Variants in HORMAD2 observed in about 807,000 individuals in gnomAD.
The protein encoded by HORMAD2 is HORMA domain containing 2, also known as HORMA domain-containing protein 2.
A neutral mutation model predicts 38.8 loss-of-function variants in HORMAD2; 45 were observed. The ratio of observed to expected loss-of-function variants is 1.16; its 90% confidence interval spans 0.91 to 1.49. HORMAD2 has a LOEUF of 1.49. Ranked by LOEUF, HORMAD2 falls within the 40% of genes most tolerant of loss-of-function variation. HORMAD2 has a pLI of 0.00. For synonymous variants in HORMAD2, 126 were observed against 122.8 expected (o/e 1.03, Z -0.17); for missense variants, 338 against 367.0 (o/e 0.92, Z 0.65).
upstream of HORMAD2, among the ~76,000 whole-genome samples, chr22:30,078,607 CAAAAAAAA>C (rs55966787): frequency 0.015 from 426 of 28,048 alleles, 1 homozygote; most frequent in Non-Finnish European, 0.02. Context: ...CTCTGTCTCA[CAAAAAAAA>C]AAAAAAAAAA....
At chr22:30,083,175 G>A (rs1210863767) in intron 1 of HORMAD2, among the ~76,000 whole-genome samples, 1 of 152,186 alleles carries the variant, frequency 6.6e-6, no homozygotes, top group African/African-American at 2.4e-5. Context: ...GCTGAGGTGG[G>A]AGGATCACTT....
intron 1 of HORMAD2, among the ~76,000 whole-genome samples, chr22:30,086,172 G>T (rs1288747029): frequency 3.3e-5 from 5 of 152,182 alleles, no homozygotes; most frequent in Admixed American, 1.3e-4. Flanking sequence ...TCCTTCTCTG[G>T]CCGTGTAAAA....
chr22:30,189,976 CCTCT>C, the HORMAD2 span, among the ~76,000 whole-genome samples: 1 of 152,156 alleles, frequency 6.6e-6, no homozygotes, highest in African/African-American at 2.4e-5. Context: ...CCCTACGTCT[CCTCT>C]CTCTAAGTCC....
rs188625299 is a variant in HORMAD2 at position 30,097,725 on chromosome 22, A to G, written c.52-1127A>G. Among the ~76,000 whole-genome samples the G allele has an allele frequency of 6.7e-3, 1,015 of 152,292 alleles. 6 individuals are homozygous for G. Among genetic ancestry groups the G allele is most frequent in the Middle Eastern group, 0.017 (5 of 294 alleles). ...TTTGACAGTTCTGAAATCCCACTCT[A>G]AGGTACTTGAACTCTCTCCTGGATG... is the stretch of plus-strand genomic sequence containing the variant. On this transcript the variant is annotated intron_variant, in intron 2 of 10. Coordinates refer to ENST00000336726, the MANE Select transcript of HORMAD2 (RefSeq NM_152510.4).
intron 10 of HORMAD2, among the ~76,000 whole-genome samples, chr22:30,153,079 C>G (rs1031542776): frequency 4.0e-5 from 6 of 150,112 alleles, no homozygotes; most frequent in Non-Finnish European, 8.9e-5. Context: ...CCAGTTTCCC[C>G]CCATCTCAGC....
intron 1 of HORMAD2, among the ~76,000 whole-genome samples, chr22:30,086,187 C>T (rs1193881799): frequency 6.6e-6 from 1 of 152,198 alleles, no homozygotes; most frequent in Non-Finnish European, 1.5e-5. Context: ...GTAAAACATG[C>T]CTCCTTCTCC....
chr22:30,125,211 C>CTTTTTTTTTTTTT (rs1569099734), intron 10 of HORMAD2, among the ~76,000 whole-genome samples: 4 of 46,580 alleles, frequency 8.6e-5, no homozygotes, highest in East Asian at 4.9e-4. Context: ...CTTTCTTTTT[C>CTTTTTTTTTTTTT]TTTTCTTTTT....
At chr22:30,124,461 G>GCCA (rs1922696010) in intron 10 of HORMAD2, among the ~76,000 whole-genome samples, 1 of 152,126 alleles carries the variant, frequency 6.6e-6, no homozygotes, top group Admixed American at 6.6e-5. Context: ...TCCCTTAGAA[G>GCCA]CCACCACGTG....
At chr22:30,111,217 G>A (rs989551071) in intron 5 of HORMAD2, among the ~76,000 whole-genome samples, 1 of 151,822 alleles carries the variant, frequency 6.6e-6, no homozygotes, top group African/African-American at 2.4e-5. Flanking sequence ...TGGGCACAGT[G>A]GCTCATGCCT....
intron 2 of HORMAD2, 133 bp downstream of exon 2, chr22:30,094,136 G>A (rs142882576): frequency 1.7e-6 from 1 of 604,784 alleles, no homozygotes; most frequent in African/African-American, 1.9e-5. Flanking sequence ...TTCTGGGAGA[G>A]TATGTGTACA....
intron 10 of HORMAD2, among the ~76,000 whole-genome samples, chr22:30,155,389 A>T (rs1234994680): frequency 2.0e-5 from 3 of 152,018 alleles, no homozygotes; most frequent in Non-Finnish European, 4.4e-5. Context: ...TGTTACTATC[A>T]TTATTTATTT....
intron 6 of HORMAD2, among the ~76,000 whole-genome samples, 185 bp downstream of exon 6, chr22:30,112,001 T>C (rs566330996): frequency 6.6e-6 from 1 of 152,212 alleles, no homozygotes; most frequent in African/African-American, 2.4e-5. Flanking sequence ...ATTTCTTTGG[T>C]ATAATACATG....
intron 10 of HORMAD2, among the ~76,000 whole-genome samples, chr22:30,172,743 C>A (rs1173601327): frequency 6.6e-6 from 1 of 152,074 alleles, no homozygotes; most frequent in African/African-American, 2.4e-5. Context: ...CAAAAATTAG[C>A]TGGGCGTGGT....
In HORMAD2 at chr22:30,088,114, T is replaced by TACACACAC. The variant is rs1326646283; in HGVS notation, c.-37-5801_-37-5800insCACACACA. Among the ~76,000 whole-genome samples the TACACACAC allele has an allele frequency of 9.6e-3, 1,452 of 150,848 alleles. 23 individuals carry two copies. Among genetic ancestry groups the TACACACAC allele is most frequent in the African/African-American group, 0.034 (1,397 of 41,216 alleles). Reference sequence around the variant, plus strand: ...ATACACACACGTACACACGTGTACATATACACACACGTACACATGTGTACA... The same window carrying TACACACAC: ...ATACACACACGTACACACGTGTACATACACACACATACACACACGTACACATGTGTACA... On this transcript the variant is annotated intron_variant, in intron 1 of 10. Coordinates refer to ENST00000336726, the MANE Select transcript of HORMAD2 (RefSeq NM_152510.4).
At chr22:30,085,943 T>A (rs1015418065) in intron 1 of HORMAD2, among the ~76,000 whole-genome samples, 1 of 152,172 alleles carries the variant, frequency 6.6e-6, no homozygotes, top group Admixed American at 6.5e-5. Context: ...TAGGAAGTCA[T>A]CCCTTAAGGA....
At position 30,087,947 on chromosome 22, in the gene HORMAD2, A is replaced by T. The variant is rs570763756; in HGVS notation, c.-37-5969A>T. On this transcript the variant is annotated intron_variant, in intron 1 of 10. Transcript: ENST00000336726. ...CTCTAAAGGCTCTTTCTACTAGATT[A>T]TACTGCTGGTTATTTCTCTCTCTCT... Among the ~76,000 whole-genome samples, 31 of 152,126 alleles carry T rather than the reference A, an allele frequency of 2.0e-4. No individual in the cohort carries two copies. The South Asian group carries it at 6.0e-3, about 29-fold the overall frequency.
chr22:30,136,752 T>A (rs937347698), intron 10 of HORMAD2: 8 of 176,300 alleles, frequency 4.5e-5, no homozygotes, highest in African/African-American at 1.7e-4. Flanking sequence ...GGTAGCTTTT[T>A]CAAAACTACT....
At chr22:30,108,913 G>A (rs574448715) in intron 5 of HORMAD2, among the ~76,000 whole-genome samples, 4 of 149,456 alleles carry the variant, frequency 2.7e-5, no homozygotes, top group South Asian at 2.1e-4. Flanking sequence ...TCTTTCTCTC[G>A]CTCTCTCTTT....
rs1263077407 is a variant in HORMAD2, at chr22:30,089,265, T to C, written c.-37-4651T>C. 2.0e-5 allele frequency among the ~76,000 whole-genome samples: 3 copies of C among 152,328 alleles called. No homozygotes were observed. In the East Asian group the frequency reaches 5.8e-4, roughly 29 times the overall value. ...TTAAAGAAGTTATTTTACAAGTATT[T>C]TGGTCAGAACTTCATAAAACCTTGA... On this transcript the variant is annotated intron_variant, in intron 1 of 10. Coordinates refer to ENST00000336726, the MANE Select transcript of HORMAD2 (RefSeq NM_152510.4).
Sources: allele counts gnomAD v4.1 joint callset (sites outside exome capture counted in the v4.1 genomes callset), GRCh38; gene constraint gnomAD v4.1.1; transcripts MANE v1.5; gene names NCBI Gene and HGNC (gene_info 2026-07-23, HGNC 2026-07-21).